HORMAD2: variants seen among roughly 807,000 people sequenced by gnomAD.
The protein encoded by HORMAD2 is HORMA domain-containing protein 2.
A neutral mutation model predicts 38.8 loss-of-function variants in HORMAD2; 45 were observed. That is an observed-to-expected ratio of 1.16 (90% CI 0.91 to 1.49). The LOEUF (loss-of-function observed/expected upper bound fraction) is 1.49, where lower values mean the gene tolerates loss of function less well. Ranked by LOEUF, HORMAD2 falls within the 40% of genes most tolerant of loss-of-function variation. HORMAD2 has a pLI of 0.00. For missense variants in HORMAD2, 338 were observed against 367.0 expected, an observed-to-expected ratio of 0.92 and a Z score of 0.65; for synonymous variants, 126 against 122.8, an observed-to-expected ratio of 1.03 and a Z score of -0.17.
chr22:30,163,585 C>G (rs570751387), intron 10 of HORMAD2, among the ~76,000 whole-genome samples: 14 of 152,008 alleles, frequency 9.2e-5, no homozygotes, highest in African/African-American at 3.4e-4. Flanking sequence ...TACCACCACG[C>G]CCAGCTAATT....
the HORMAD2 span, among the ~76,000 whole-genome samples, chr22:30,199,646 C>T: frequency 3.3e-5 from 5 of 151,974 alleles, no homozygotes; most frequent in African/African-American, 7.2e-5. Context: ...TCTAATATCT[C>T]GTTGGATGGA....
At chr22:30,197,199 G>T in the HORMAD2 span, among the ~76,000 whole-genome samples, 1 of 151,996 alleles carries the variant, frequency 6.6e-6, no homozygotes, top group African/African-American at 2.4e-5. Flanking sequence ...AAAAGGGTTG[G>T]ATTTTCTCTT....
intron 1 of HORMAD2, among the ~76,000 whole-genome samples, chr22:30,087,418 C>T (rs2068589515): frequency 6.6e-6 from 1 of 152,062 alleles, no homozygotes; most frequent in Non-Finnish European, 1.5e-5. Context: ...ACATAAGAAT[C>T]AATAAGATAG....
chr22:30,163,522 A>C (rs1925583673), intron 10 of HORMAD2, among the ~76,000 whole-genome samples: 1 of 152,030 alleles, frequency 6.6e-6, no homozygotes, highest in Non-Finnish European at 1.5e-5. Flanking sequence ...CCTCCTGGGC[A>C]CAAGCAATCT....
chr22:30,134,697 A>C (rs1387324345), intron 10 of HORMAD2, among the ~76,000 whole-genome samples: 15 of 141,648 alleles, frequency 1.1e-4, no homozygotes, highest in Admixed American at 1.0e-3. Context: ...TGTCACCAAA[A>C]AAAGAAAAAA....
At chr22:30,196,101 A>G in the HORMAD2 span, among the ~76,000 whole-genome samples, 2 of 152,236 alleles carry the variant, frequency 1.3e-5, no homozygotes, top group Admixed American at 6.5e-5. Flanking sequence ...GCCACTACAG[A>G]GCCACTTCCC....
chr22:30,106,547 G>A lies in HORMAD2; in HGVS notation c.294+2110G>A, dbSNP rs533716412. Among the ~76,000 whole-genome samples the A allele has an allele frequency of 3.9e-5, 6 of 152,222 alleles. No homozygotes were observed. The East Asian group carries it at 1.2e-3, about 29-fold the overall frequency. Reference sequence around the variant, plus strand: ...CCCTGAATATTTGGACAGATTGAGAGGGGGAGACGGCCATCACTGTTATAC... The same window carrying A: ...CCCTGAATATTTGGACAGATTGAGAAGGGGAGACGGCCATCACTGTTATAC... On this transcript the variant is annotated intron_variant, in intron 5 of 10. Transcript: ENST00000336726.
intron 10 of HORMAD2, among the ~76,000 whole-genome samples, chr22:30,171,898 C>T (rs926538485): frequency 6.6e-6 from 1 of 152,002 alleles, no homozygotes; most frequent in African/African-American, 2.4e-5. Context: ...GAAGGAACAT[C>T]ATGTGCAAAG....
intron 1 of HORMAD2, among the ~76,000 whole-genome samples, chr22:30,089,235 T>A (rs1182963911): frequency 6.6e-6 from 1 of 152,190 alleles, no homozygotes; most frequent in Non-Finnish European, 1.5e-5. Flanking sequence ...CAGAATGGAA[T>A]ATCTTTAAAG....
At chr22:30,149,622 T>G (rs1297680008) in intron 10 of HORMAD2, among the ~76,000 whole-genome samples, 2 of 152,226 alleles carry the variant, frequency 1.3e-5, no homozygotes, top group East Asian at 1.9e-4. Context: ...TCCTGGAATT[T>G]CCTTTCGCCA....
chr22:30,153,463 C>T (rs1433135038), intron 10 of HORMAD2, among the ~76,000 whole-genome samples: 2 of 152,174 alleles, frequency 1.3e-5, no homozygotes, highest in African/African-American at 4.8e-5. Flanking sequence ...AACATCTTCC[C>T]CTTCCTTGAG....
intron 10 of HORMAD2, among the ~76,000 whole-genome samples, chr22:30,170,044 A>C (rs1179032187): frequency 1.3e-5 from 2 of 152,170 alleles, no homozygotes; most frequent in East Asian, 3.8e-4. Context: ...AAAAATATAA[A>C]TGTTAAGGGA....
intron 10 of HORMAD2, among the ~76,000 whole-genome samples, chr22:30,140,465 C>A (rs1428567952): frequency 6.6e-6 from 1 of 152,050 alleles, no homozygotes; most frequent in Non-Finnish European, 1.5e-5. Flanking sequence ...AAGGTCTTCA[C>A]TTGTTATAGA....
At chr22:30,079,315 T>C (rs1332577923), upstream of HORMAD2, among the ~76,000 whole-genome samples, 1 of 152,108 alleles carries the variant, frequency 6.6e-6, no homozygotes, top group Non-Finnish European at 1.5e-5. Flanking sequence ...GCTCCCACAG[T>C]TACCAGGGCA....
At chr22:30,198,898 A>G in the HORMAD2 span, among the ~76,000 whole-genome samples, 1 of 152,366 alleles carries the variant, frequency 6.6e-6, no homozygotes, top group African/African-American at 2.4e-5. Context: ...CCAGTGGCAC[A>G]TGACTGCTTG....
At chr22:30,111,123 TCCAGCCTGGTGACAGA>T (rs1921609816) in intron 5 of HORMAD2, among the ~76,000 whole-genome samples, 2 of 134,060 alleles carry the variant, frequency 1.5e-5, no homozygotes, top group South Asian at 4.6e-4. Flanking sequence ...GCTACTGTAC[TCCAGCCTGGTGACAGA>T]GCAAGACTCT....
intron 10 of HORMAD2, among the ~76,000 whole-genome samples, chr22:30,161,382 C>T (rs1211148917): frequency 6.6e-6 from 1 of 152,162 alleles, no homozygotes; most frequent in East Asian, 1.9e-4. Context: ...ATTGCATTTC[C>T]AATTCTGTAT....
chr22:30,126,572 C>A (rs985210520), intron 10 of HORMAD2, among the ~76,000 whole-genome samples: 12 of 152,094 alleles, frequency 7.9e-5, no homozygotes, highest in African/African-American at 2.9e-4. Context: ...TTGTTAATGA[C>A]AATTTATTCA....
At chr22:30,139,988 G>C (rs987644823) in intron 10 of HORMAD2, among the ~76,000 whole-genome samples, 10 of 151,782 alleles carry the variant, frequency 6.6e-5, no homozygotes, top group African/African-American at 2.4e-4. Flanking sequence ...TATATTGCTA[G>C]ATGTTTTCCT....
Sources: allele counts gnomAD v4.1 joint callset (sites outside exome capture counted in the v4.1 genomes callset), GRCh38; gene constraint gnomAD v4.1.1; transcripts MANE v1.5; gene names NCBI Gene and HGNC (gene_info 2026-07-23, HGNC 2026-07-21).